MYO9A: variants seen among roughly 807,000 people sequenced by gnomAD.
MYO9A encodes unconventional myosin-IXa.
MYO9A carries 103 observed loss-of-function variants against 293.3 expected under a neutral mutation model. That is an observed-to-expected ratio of 0.35 (90% CI 0.30 to 0.41). The LOEUF is 0.41. MYO9A is among the 10% of genes least tolerant of loss of function. The pLI is 1.00. For missense variants in MYO9A, 2,685 were observed against 3,033.0 expected (o/e 0.89, Z 2.69); for synonymous variants, 1,001 against 1,035.7 (o/e 0.97, Z 0.64).
chr15:72,078,887 T>C (rs1448657457), intron 1 of MYO9A, among the ~76,000 whole-genome samples: 2 of 152,194 alleles, frequency 1.3e-5, no homozygotes, highest in African/African-American at 2.4e-5. Context: ...ATGTACTGTA[T>C]GATTCCAACT....
Position 71,984,154 on chromosome 15 carries a change from T to C in MYO9A, c.1723-5862A>G, listed in dbSNP as rs28675378. Among the ~76,000 whole-genome samples the C allele has an allele frequency of 5.6e-3, 858 of 152,338 alleles. 12 individuals carry two copies. Among genetic ancestry groups the C allele is most frequent in the African/African-American group, 0.02 (812 of 41,570 alleles). On this transcript the variant is annotated intron_variant, in intron 11 of 41. Coordinates refer to ENST00000356056, the MANE Select transcript of MYO9A (RefSeq NM_006901.4). ...CATGAGATATTCAACATTTTTACTA[T>C]AAAATAGGTATTGTGTTAGATGATT...
chr15:71,987,071 AC>A (rs1464966631), intron 11 of MYO9A, among the ~76,000 whole-genome samples: 3 of 152,144 alleles, frequency 2.0e-5, no homozygotes, highest in African/African-American at 7.2e-5. Context: ...ACAAATACTT[AC>A]CATTGTGTTG....
chr15:71,992,687 A>G (rs1209901713), intron 10 of MYO9A, among the ~76,000 whole-genome samples: 1 of 152,244 alleles, frequency 6.6e-6, no homozygotes, highest in African/African-American at 2.4e-5. Flanking sequence ...TCAGTCTGAC[A>G]AGGTGGACTA....
intron 1 of MYO9A, among the ~76,000 whole-genome samples, chr15:72,058,172 A>C (rs1031281991): frequency 2.6e-5 from 4 of 152,254 alleles, no homozygotes; most frequent in Non-Finnish European, 5.9e-5. Context: ...CTGAAGAATT[A>C]AGCAAACATG....
chr15:71,928,064 T>A (rs1357037730), intron 18 of MYO9A, among the ~76,000 whole-genome samples: 154 of 9,772 alleles, frequency 0.016, no homozygotes, highest in Non-Finnish European at 0.039. Flanking sequence ...ATATTTTTTT[T>A]TTTTTTTTTT....
chr15:71,862,634 T>G, intron 32 of MYO9A, 23 bp from the exon 33 acceptor site: 1 of 1,518,410 alleles, frequency 6.6e-7, no homozygotes, highest in South Asian at 1.1e-5. Flanking sequence ...ATTTAGCTAC[T>G]TATATTAAAG....
At chr15:72,114,331 C>T (rs1486488424) in intron 1 of MYO9A, 2 of 152,170 alleles carry the variant, frequency 1.3e-5, no homozygotes, top group Non-Finnish European at 2.9e-5. Flanking sequence ...GCAAGAAGAC[C>T]ACTCAGCATT....
chr15:71,978,344 G>A (rs746894803), intron 11 of MYO9A, 52 bp from the exon 12 acceptor site: 3 of 1,499,338 alleles, frequency 2.0e-6, no homozygotes, highest in African/African-American at 2.8e-5. Flanking sequence ...CAGAAAATAG[G>A]TATATAATAT....
At chr15:72,031,799 T>C (rs531326677) in intron 3 of MYO9A, among the ~76,000 whole-genome samples, 2 of 151,882 alleles carry the variant, frequency 1.3e-5, no homozygotes, top group South Asian at 2.1e-4. Context: ...ATAGACTATA[T>C]AATAAGAAAC....
intron 34 of MYO9A, among the ~76,000 whole-genome samples, chr15:71,858,214 C>A (rs556401345): frequency 6.6e-6 from 1 of 152,286 alleles, no homozygotes; most frequent in Admixed American, 6.5e-5. Flanking sequence ...CCTCAAGGAT[C>A]TACAACTAGA....
At chr15:71,920,392 T>G (rs1174980875) in intron 18 of MYO9A, among the ~76,000 whole-genome samples, 1 of 152,080 alleles carries the variant, frequency 6.6e-6, no homozygotes, top group Non-Finnish European at 1.5e-5. Flanking sequence ...CCTTGGGAAG[T>G]AGCTGGGTAG....
At chr15:72,084,653 G>A (rs141738288) in intron 1 of MYO9A, among the ~76,000 whole-genome samples, 19 of 152,284 alleles carry the variant, frequency 1.2e-4, no homozygotes, top group African/African-American at 3.1e-4. Context: ...TGTAAGACAC[G>A]TCTGACGGTA....
chr15:71,902,126 A>C (rs1001818830), intron 22 of MYO9A, among the ~76,000 whole-genome samples: 1 of 152,104 alleles, frequency 6.6e-6, no homozygotes, highest in Non-Finnish European at 1.5e-5. Context: ...TAAGGGCCAG[A>C]GACAAAAGAT....
chr15:71,910,168 G>GTGTATATATATATACATATA (rs56277057), intron 19 of MYO9A, among the ~76,000 whole-genome samples: 1 of 128,330 alleles, frequency 7.8e-6, no homozygotes, highest in Admixed American at 8.6e-5. Flanking sequence ...ATATATACGT[G>GTGTATATATATATACATATA]TATATATATA....
rs575735602 is a variant in MYO9A, at chr15:72,017,505, T to C, written c.1155+1534A>G. Among the ~76,000 whole-genome samples, 157 of 152,268 alleles carry C rather than the reference T, an allele frequency of 1.0e-3. 1 individual carries two copies. Among genetic ancestry groups the C allele is most frequent in the Non-Finnish European group, 2.1e-3 (143 of 68,008 alleles). ...AGGAAAAGGGGGAGCTTCTTAAGAA[T>C]GGCAAAAACAACTTAAATTTTTTGT... On this transcript the variant is annotated intron_variant, in intron 6 of 41. Transcript: ENST00000356056.
chr15:72,092,227 C>T (rs1446572281), intron 1 of MYO9A, among the ~76,000 whole-genome samples: 4 of 152,030 alleles, frequency 2.6e-5, no homozygotes, highest in African/African-American at 9.7e-5. Flanking sequence ...TGATAAGACA[C>T]CCCTATACCA....
At chr15:71,866,697 C>G (rs2056338641) in intron 32 of MYO9A, among the ~76,000 whole-genome samples, 2 of 151,934 alleles carry the variant, frequency 1.3e-5, no homozygotes, top group South Asian at 4.2e-4. Flanking sequence ...TTTTTCTGCT[C>G]AAACTAGACA....
At chr15:71,968,681 G>A (rs1020715286) in intron 12 of MYO9A, among the ~76,000 whole-genome samples, 22 of 151,834 alleles carry the variant, frequency 1.4e-4, no homozygotes, top group Non-Finnish European at 2.5e-4. Context: ...TTATTTAATC[G>A]CATAATAGGA....
chr15:71,988,705 T>C (rs181790279), intron 11 of MYO9A, among the ~76,000 whole-genome samples: 6 of 152,310 alleles, frequency 3.9e-5, no homozygotes, highest in African/African-American at 1.4e-4. Flanking sequence ...TGTTGTAGTC[T>C]TTCTGTTCAT....
Sources: allele counts gnomAD v4.1 joint callset (sites outside exome capture counted in the v4.1 genomes callset), GRCh38; gene constraint gnomAD v4.1.1; transcripts MANE v1.5; gene names NCBI Gene and HGNC (gene_info 2026-07-23, HGNC 2026-07-21).